FBXW4: variants seen among roughly 807,000 people sequenced by gnomAD.
FBXW4 encodes F-box and WD repeat domain containing 4.
FBXW4 carries 40 observed loss-of-function variants against 61.8 expected under a neutral mutation model. That is an observed-to-expected ratio of 0.65 (90% CI 0.50 to 0.84). The LOEUF is 0.84. FBXW4 is among the 40% of genes least tolerant of loss of function. FBXW4 has a pLI of 0.00. For missense variants in FBXW4, 672 were observed against 753.8 expected (o/e 0.89, Z 1.27); for synonymous variants, 311 against 313.8 (o/e 0.99, Z 0.10).
At chr10:101,641,937 C>T (rs1017623936) in intron 5 of FBXW4, among the ~76,000 whole-genome samples, 6 of 151,796 alleles carry the variant, frequency 4.0e-5, no homozygotes, top group African/African-American at 4.8e-5. Flanking sequence ...GAGGCTGAGG[C>T]GGGTGGGTCA....
intron 5 of FBXW4, among the ~76,000 whole-genome samples, chr10:101,640,484 C>CTTTTTTTTTTTTTTTTTTTTTTTTTT (rs386372272): frequency 8.3e-5 from 7 of 83,874 alleles, no homozygotes; most frequent in African/African-American, 1.0e-4. Context: ...CTTTCTTTCT[C>CTTTTTTTTTTTTTTTTTTTTTTTTTT]TTTTTTTTTT....
At chr10:101,692,746 C>A (rs1188523012) in intron 1 of FBXW4, among the ~76,000 whole-genome samples, 306 of 85,060 alleles carry the variant, frequency 3.6e-3, no homozygotes, top group East Asian at 5.7e-3. Flanking sequence ...AACTCCGTCT[C>A]AAAAAAAAAA....
chr10:101,653,123 G>A (rs1363050531), intron 5 of FBXW4, among the ~76,000 whole-genome samples: 1 of 152,098 alleles, frequency 6.6e-6, no homozygotes, highest in Non-Finnish European at 1.5e-5. Context: ...GGCTCACAGA[G>A]GTACTCGTCT....
At chr10:101,617,938 A>C (rs1304161392) in intron 6 of FBXW4, among the ~76,000 whole-genome samples, 1 of 152,224 alleles carries the variant, frequency 6.6e-6, no homozygotes, top group Non-Finnish European at 1.5e-5. Context: ...TCAAAGGAGA[A>C]GGGAGGTACT....
At chr10:101,644,577 T>C (rs2064080617) in intron 5 of FBXW4, among the ~76,000 whole-genome samples, 1 of 152,106 alleles carries the variant, frequency 6.6e-6, no homozygotes, top group South Asian at 2.1e-4. Context: ...CTCTGCTCTC[T>C]CCAGAGGGCC....
At chr10:101,687,365 A>G (rs932944295) in intron 1 of FBXW4, among the ~76,000 whole-genome samples, 1 of 152,128 alleles carries the variant, frequency 6.6e-6, no homozygotes, top group Non-Finnish European at 1.5e-5. Context: ...TCCAACCCAC[A>G]CAGCCAGTGA....
intron 5 of FBXW4, among the ~76,000 whole-genome samples, chr10:101,632,031 T>G (rs2063963116): frequency 6.6e-6 from 1 of 152,170 alleles, no homozygotes; most frequent in African/African-American, 2.4e-5. Context: ...CAGCTAGTGT[T>G]AGCAACCATG....
intron 5 of FBXW4, among the ~76,000 whole-genome samples, chr10:101,640,254 TGAG>T (rs2064039347): frequency 6.6e-6 from 1 of 151,716 alleles, no homozygotes; most frequent in African/African-American, 2.4e-5. Flanking sequence ...CAGTAGGGGG[TGAG>T]GAGATGGTCT....
intron 1 of FBXW4, among the ~76,000 whole-genome samples, chr10:101,677,275 T>C (rs1240508133): frequency 6.6e-6 from 1 of 152,100 alleles, no homozygotes; most frequent in African/African-American, 2.4e-5. Context: ...AGCCCAGGCA[T>C]CCATCAACAG....
At chr10:101,685,292 A>T (rs1329221554) in intron 1 of FBXW4, among the ~76,000 whole-genome samples, 1 of 152,222 alleles carries the variant, frequency 6.6e-6, no homozygotes, top group Non-Finnish European at 1.5e-5. Context: ...TTTTTTGGCT[A>T]ATTTAGTCAT....
At chr10:101,614,905 C>T (rs2063814350) in intron 6 of FBXW4, among the ~76,000 whole-genome samples, 1 of 152,106 alleles carries the variant, frequency 6.6e-6, no homozygotes, top group African/African-American at 2.4e-5. Context: ...TTCTCGGCCC[C>T]CACCCCAAGA....
rs563900134 is a variant in FBXW4 at position 101,674,771 on chromosome 10, C to A, written c.822-1098G>T. ...CAAATAGTTAGATTCCCTCTGCAAT[C>A]TGACAGGAGGAAGAAAGGCTAGAAG... On this transcript the variant is annotated intron_variant, in intron 2 of 8. Transcript: ENST00000331272. Among the ~76,000 whole-genome samples, 4 of 152,146 alleles carry A rather than the reference C, an allele frequency of 2.6e-5. No individual in the cohort carries two copies. The South Asian group carries it at 8.3e-4, about 32-fold the overall frequency.
intron 6 of FBXW4, among the ~76,000 whole-genome samples, chr10:101,622,152 T>A (rs2063871715): frequency 7.1e-6 from 1 of 139,902 alleles, no homozygotes; most frequent in Non-Finnish European, 1.6e-5. Context: ...AGAATGGATT[T>A]TTCAAAAAAA....
In FBXW4 at chr10:101,611,782, A is replaced by G. The variant is rs1229668615; in HGVS notation, c.1443-13T>C. On this transcript the variant is annotated splice_polypyrimidine_tract_variant and intron_variant, in intron 7 of 8. Transcript: ENST00000331272. The surrounding 1 kb of genome is among the most constrained non-coding windows in gnomAD (Gnocchi z 4.9). ...CATGACACATTTCCTGTCCAGGAAG[A>G]GGAGAAGCAGAGGGAGGTTTAGGGT... is the stretch of plus-strand genomic sequence containing the variant. 1 of 1,609,454 alleles carries G rather than the reference A, an allele frequency of 6.2e-7. No individual in the cohort carries two copies. The highest frequency in any genetic ancestry group is 8.5e-7 in the Non-Finnish European group (1 of 1,176,650).
At chr10:101,668,004 C>G in intron 4 of FBXW4, 24 bp from the exon 5 acceptor site, 2 of 1,595,128 alleles carry the variant, frequency 1.3e-6, no homozygotes, top group Non-Finnish European at 8.6e-7. Flanking sequence ...AGGAGATGCT[C>G]TCGTTGGCAT....
At chr10:101,628,747 A>G (rs2063926786) in intron 5 of FBXW4, among the ~76,000 whole-genome samples, 1 of 152,022 alleles carries the variant, frequency 6.6e-6, no homozygotes, top group Non-Finnish European at 1.5e-5. Context: ...AAAAATTAAC[A>G]TCAAAACACA....
chr10:101,692,727 C>T (rs929905645), intron 1 of FBXW4, among the ~76,000 whole-genome samples: 26 of 80,918 alleles, frequency 3.2e-4, no homozygotes, highest in African/African-American at 1.3e-3. Flanking sequence ...GCCCGGGCAA[C>T]AAGAGTGAAA....
intron 1 of FBXW4, among the ~76,000 whole-genome samples, chr10:101,688,629 T>C (rs2134920894): frequency 6.6e-6 from 1 of 152,336 alleles, no homozygotes; most frequent in South Asian, 2.1e-4. Flanking sequence ...TTTGATTCAA[T>C]TGATTACAAT....
intron 5 of FBXW4, among the ~76,000 whole-genome samples, chr10:101,645,123 C>G (rs1310526421): frequency 6.6e-6 from 1 of 152,222 alleles, no homozygotes; most frequent in Non-Finnish European, 1.5e-5. Flanking sequence ...CCCTCACCCC[C>G]ACCTCAAGCC....
Sources: allele counts gnomAD v4.1 joint callset (sites outside exome capture counted in the v4.1 genomes callset), GRCh38; gene constraint gnomAD v4.1.1; non-coding constraint Gnocchi (gnomAD v3.1); transcripts MANE v1.5; gene names NCBI Gene and HGNC (gene_info 2026-07-23, HGNC 2026-07-21).